PTPN4: variants seen among roughly 807,000 people sequenced by gnomAD.
PTPN4 encodes the protein tyrosine-protein phosphatase non-receptor type 4.
A neutral mutation model predicts 135.5 loss-of-function variants in PTPN4; 49 were observed. That is an observed-to-expected ratio of 0.36 (90% CI 0.29 to 0.46). The LOEUF is 0.46. Among genes scored for constraint, PTPN4 ranks in the 20% least tolerant of loss-of-function variants. The pLI, the probability that PTPN4 is intolerant of heterozygous loss-of-function variation, is 1.00. For missense variants in PTPN4, 860 were observed against 1,101.0 expected, an observed-to-expected ratio of 0.78 and a Z score of 3.10; for synonymous variants, 333 against 369.9, an observed-to-expected ratio of 0.90 and a Z score of 1.14.
chr2:119,860,159 C>T (rs1386583813), intron 2 of PTPN4, among the ~76,000 whole-genome samples: 2 of 152,180 alleles, frequency 1.3e-5, no homozygotes, highest in Non-Finnish European at 2.9e-5. Flanking sequence ...TTAATGCTTG[C>T]TCTCTTCCCC....
At chr2:119,817,967 C>T (rs1449939188) in intron 2 of PTPN4, among the ~76,000 whole-genome samples, 2 of 151,876 alleles carry the variant, frequency 1.3e-5, no homozygotes, top group Non-Finnish European at 2.9e-5. Flanking sequence ...TGGCTTGACT[C>T]TTGTTGGTGT....
intron 1 of PTPN4, among the ~76,000 whole-genome samples, chr2:119,773,280 A>G (rs1690767985): frequency 6.6e-6 from 1 of 152,186 alleles, no homozygotes; most frequent in Non-Finnish European, 1.5e-5. Flanking sequence ...GAAAACGCAC[A>G]TACAGCTGAT....
chr2:119,795,082 G>A (rs1213982952), intron 1 of PTPN4, among the ~76,000 whole-genome samples: 1 of 152,112 alleles, frequency 6.6e-6, no homozygotes, highest in Non-Finnish European at 1.5e-5. Context: ...TGAGCAGAGA[G>A]GAGACCCTGA....
intron 1 of PTPN4, among the ~76,000 whole-genome samples, chr2:119,789,851 T>C (rs180974167): frequency 8.5e-5 from 13 of 152,194 alleles, no homozygotes; most frequent in Admixed American, 4.6e-4. Flanking sequence ...GCCTCCTGAG[T>C]AGCTGGGATT....
At chr2:119,868,816 T>C (rs918857843) in intron 3 of PTPN4, among the ~76,000 whole-genome samples, 6 of 152,206 alleles carry the variant, frequency 3.9e-5, no homozygotes, top group Admixed American at 6.5e-5. Flanking sequence ...TGTTAATAAA[T>C]ACGTGGGTAA....
intron 9 of PTPN4, among the ~76,000 whole-genome samples, chr2:119,888,307 C>G (rs1678189689): frequency 2.0e-5 from 3 of 152,088 alleles, no homozygotes; most frequent in Admixed American, 2.0e-4. Context: ...GGCCATTTGA[C>G]TTCCTCTTTC....
intron 26 of PTPN4, among the ~76,000 whole-genome samples, chr2:119,970,902 T>G (rs758349464): frequency 3.3e-5 from 5 of 152,242 alleles, no homozygotes; most frequent in Admixed American, 6.5e-5. Context: ...CATTTTGCAG[T>G]TCCTCTAGCA....
intron 9 of PTPN4, among the ~76,000 whole-genome samples, chr2:119,899,671 G>T (rs1678376337): frequency 1.3e-5 from 2 of 152,040 alleles, no homozygotes; most frequent in Non-Finnish European, 2.9e-5. Context: ...CATCATTTAG[G>T]CTCAGTCTTA....
chr2:119,932,426 C>G lies in PTPN4; in HGVS notation c.1073C>G (p.Ser358Cys). Reference protein sequence around the residue: ...KANKDRVFARSPSKPLARKLM... With the variant: ...KANKDRVFARCPSKPLARKLM... ...TATTATTTAATTTATTTCTGCAGATCCCCAAGTAAGCCCTTGGCACGGAAA... is the reference window on the plus strand; with the variant it reads ...TATTATTTAATTTATTTCTGCAGATGCCCAAGTAAGCCCTTGGCACGGAAA... The change falls in exon 14 of 27, where the codon TCC (serine) becomes TGC (cysteine). Residue 358 changes from serine (S) to cysteine (C), a missense_variant and splice_region_variant. Physicochemically the swap from Ser to Cys is moderately radical, Grantham distance 112. Transcript: ENST00000263708. 1 of 1,602,690 alleles carries G rather than the reference C, an allele frequency of 6.2e-7. No homozygotes were observed. Among genetic ancestry groups the G allele is most frequent in the Non-Finnish European group, 8.5e-7 (1 of 1,174,346 alleles).
chr2:119,923,590 C>T (rs1002575307), intron 12 of PTPN4, among the ~76,000 whole-genome samples: 1 of 151,980 alleles, frequency 6.6e-6, no homozygotes, highest in Non-Finnish European at 1.5e-5. Flanking sequence ...TTCCTGAAAA[C>T]ATTTATTAAG....
intron 1 of PTPN4, among the ~76,000 whole-genome samples, chr2:119,797,117 T>G (rs1691277708): frequency 6.6e-6 from 1 of 152,204 alleles, no homozygotes; most frequent in Admixed American, 6.5e-5. Context: ...TCCTATGTGC[T>G]TTTGCAAATT....
chr2:119,882,702 A>G (rs1254389071), intron 8 of PTPN4, 79 bp downstream of exon 8: 2 of 1,179,392 alleles, frequency 1.7e-6, no homozygotes, highest in East Asian at 2.6e-5. Context: ...TTCTAATATG[A>G]TGGCTGTATT....
intron 18 of PTPN4, among the ~76,000 whole-genome samples, chr2:119,947,847 C>G (rs1396806585): frequency 1.3e-5 from 2 of 151,970 alleles, no homozygotes; most frequent in East Asian, 3.9e-4. Flanking sequence ...CTACCTACTG[C>G]TATTGTGATC....
intron 9 of PTPN4, among the ~76,000 whole-genome samples, chr2:119,892,483 A>C (rs978851944): frequency 6.6e-5 from 10 of 152,148 alleles, no homozygotes; most frequent in African/African-American, 2.4e-4. Flanking sequence ...GAATTAAGAC[A>C]AACAAATGAG....
chr2:119,759,940 A>T lies in PTPN4; in HGVS notation c.-462A>T, dbSNP rs766385165. The T allele has an allele frequency of 2.8e-6, 1 of 362,040 alleles. No homozygotes were observed. Among genetic ancestry groups the T allele is most frequent in the African/African-American group, 2.1e-5 (1 of 47,508 alleles). The allele number at this position is 362,040 out of a possible 1,614,324, so 22.4% of individuals were successfully genotyped here. On this transcript the variant is annotated 5_prime_UTR_variant, in exon 1 of 27. Coordinates refer to ENST00000263708, the MANE Select transcript of PTPN4 (RefSeq NM_002830.4). ...GCTGCCCAGGATTACCCGCCAGCTCACGCCGCGCAGTGCGCTTTTCCGCTC... is the reference window on the plus strand; with the variant it reads ...GCTGCCCAGGATTACCCGCCAGCTCTCGCCGCGCAGTGCGCTTTTCCGCTC...
Position 119,836,730 on chromosome 2 carries a change from T to G in PTPN4, c.139-25806T>G, listed in dbSNP as rs528512181. Among the ~76,000 whole-genome samples, 3 of 152,310 alleles carry G rather than the reference T, an allele frequency of 2.0e-5. No individual in the cohort carries two copies. The South Asian group carries it at 6.2e-4, about 32-fold the overall frequency. ...AAGTACCTGCTCCCACTGCCTGGCCTCTCCTCGCTCCCAGCGCCTGCTCCA... is the reference window on the plus strand; with the variant it reads ...AAGTACCTGCTCCCACTGCCTGGCCGCTCCTCGCTCCCAGCGCCTGCTCCA... On this transcript the variant is annotated intron_variant, in intron 2 of 26. Coordinates refer to ENST00000263708, the MANE Select transcript of PTPN4 (RefSeq NM_002830.4).
chr2:119,872,530 C>T (rs1457098623), intron 3 of PTPN4, among the ~76,000 whole-genome samples: 1 of 152,196 alleles, frequency 6.6e-6, no homozygotes, highest in Non-Finnish European at 1.5e-5. Flanking sequence ...ACATCCTTCA[C>T]TCCCGTCACA....
rs1409129739 is a variant in PTPN4 at position 119,877,259 on chromosome 2, G to T, written c.247-64G>T. ...ATTAATCTCCAAATGGAACAGATTT[G>T]CAAGAATCAATATAGTAGTTCCTCA... On this transcript the variant is annotated intron_variant, in intron 3 of 26. Coordinates refer to ENST00000263708, the MANE Select transcript of PTPN4 (RefSeq NM_002830.4). 6.5e-6 allele frequency: 10 copies of T among 1,533,472 alleles called. No homozygotes were observed. The East Asian group carries it at 2.3e-4, about 35-fold the overall frequency. The allele number at this position is 1,533,472 out of a possible 1,614,324, so 95.0% of individuals were successfully genotyped here.
At chr2:119,812,043 C>A (rs1676892222) in intron 2 of PTPN4, among the ~76,000 whole-genome samples, 1 of 152,058 alleles carries the variant, frequency 6.6e-6, no homozygotes, top group African/African-American at 2.4e-5. Flanking sequence ...TTAAGAGGAA[C>A]AATATTTATG....
Sources: allele counts gnomAD v4.1 joint callset (sites outside exome capture counted in the v4.1 genomes callset), GRCh38; gene constraint gnomAD v4.1.1; transcripts MANE v1.5; gene names NCBI Gene and HGNC (gene_info 2026-07-23, HGNC 2026-07-21).